The following DTX3L variants were observed in gnomAD, a reference collection of about 807,000 sequenced individuals.
The protein encoded by DTX3L is deltex E3 ubiquitin ligase 3L.
Under a neutral mutation model 60.9 loss-of-function variants are expected in DTX3L, and 34 were observed. That is an observed-to-expected ratio of 0.56 (90% CI 0.42 to 0.74). DTX3L has a LOEUF of 0.74. Among genes scored for constraint, DTX3L ranks in the 30% least tolerant of loss-of-function variants. DTX3L has a pLI of 0.00. For synonymous variants in DTX3L, 290 were observed against 316.6 expected (o/e 0.92, Z 0.89); for missense variants, 810 against 874.0 (o/e 0.93, Z 0.92).
At chr3:122,571,330 T>C (rs2080644342) in intron 4 of DTX3L, among the ~76,000 whole-genome samples, 1 of 152,186 alleles carries the variant, frequency 6.6e-6, no homozygotes, top group African/African-American at 2.4e-5. Context: ...ATTTTAAGAA[T>C]TAACATAGAC....
In DTX3L at chr3:122,568,663, T is replaced by G; in HGVS notation, c.574T>G (p.Phe192Val). 6.2e-7 allele frequency: 1 copy of G among 1,614,174 alleles called. No individual in the cohort carries two copies. The highest frequency in any genetic ancestry group is 8.5e-7 in the Non-Finnish European group (1 of 1,180,034). The change falls in exon 3 of 5, where the codon TTC (phenylalanine) becomes GTC (valine). Residue 192 changes from phenylalanine to valine, a missense_variant. Phe to Val is a conservative substitution (Grantham distance 50). Coordinates refer to ENST00000296161, the MANE Select transcript of DTX3L (RefSeq NM_138287.3). ...ERIHQFLSEQ[F>V]LESEQKQQFS... ...AATACATCAATTTTTGAGTGAGCAG[T>G]TCCTGGAAAGTGAGCAGAAACAACA...
At chr3:122,565,540 G>T (rs1265903182) in intron 1 of DTX3L, among the ~76,000 whole-genome samples, 1 of 133,648 alleles carries the variant, frequency 7.5e-6, no homozygotes, top group East Asian at 2.6e-4. Context: ...AAAAAAGAAG[G>T]AAGGAAGGGA....
At position 122,569,605 on chromosome 3, in the gene DTX3L, G is replaced by T; in HGVS notation, c.1516G>T (p.Val506Phe). 6.2e-7 allele frequency: 1 copy of T among 1,614,216 alleles called. No individual in the cohort carries two copies. The highest frequency in any genetic ancestry group is 1.1e-5 in the South Asian group (1 of 91,084). Residue 506 changes from valine to phenylalanine, a missense_variant, in exon 3 of 5, where the codon GTT becomes TTT. Transcript: ENST00000296161. ...PNHLAKAKQY[V>F]LKGGGMSSLA... Reference sequence around the variant, plus strand: ...TCACCTTGCAAAGGCGAAGCAGTATGTTCTAAAAGGAGGAGGAATGTCTTC... The same window carrying T: ...TCACCTTGCAAAGGCGAAGCAGTATTTTCTAAAAGGAGGAGGAATGTCTTC...
chr3:122,567,436 A>G (rs1559901911), intron 2 of DTX3L, among the ~76,000 whole-genome samples: 1 of 152,194 alleles, frequency 6.6e-6, no homozygotes. Context: ...GGCTGGATTC[A>G]GGAAACATTT....
In DTX3L at chr3:122,567,585, A is replaced by C. The variant is rs182422979; in HGVS notation, c.400-904A>C. ...GGCGTGTCTTATATTTGAGCTTCTA[A>C]AGGCCAGGGTTTAGAAGGGTCCACA... On this transcript the variant is annotated intron_variant, in intron 2 of 4. Coordinates refer to ENST00000296161, the MANE Select transcript of DTX3L (RefSeq NM_138287.3). 1.1e-3 allele frequency among the ~76,000 whole-genome samples: 168 copies of C among 152,296 alleles called. 1 individual carries two copies. Among genetic ancestry groups the C allele is most frequent in the African/African-American group, 3.8e-3 (156 of 41,558 alleles).
Position 122,564,399 on chromosome 3 carries a change from C to T in DTX3L, c.-28C>T, listed in dbSNP as rs746821453. Reference sequence around the variant, plus strand: ...TTTACCGCCCAGCTGCCTCCCGGAGCCCCCGCGCCCTCCCGACGCGCAGAG... The same window carrying T: ...TTTACCGCCCAGCTGCCTCCCGGAGTCCCCGCGCCCTCCCGACGCGCAGAG... On this transcript the variant is annotated 5_prime_UTR_variant, in exon 1 of 5. Coordinates refer to ENST00000296161, the MANE Select transcript of DTX3L (RefSeq NM_138287.3). 3 of 1,587,718 alleles carry T rather than the reference C, an allele frequency of 1.9e-6. No individual in the cohort carries two copies. Among genetic ancestry groups the T allele is most frequent in the Non-Finnish European group, 2.6e-6 (3 of 1,168,936 alleles).
Position 122,564,627 on chromosome 3 carries a change from G to T in DTX3L, c.187+14G>T. 1 of 1,578,978 alleles carries T rather than the reference G, an allele frequency of 6.3e-7. No homozygotes were observed. Among genetic ancestry groups the T allele is most frequent in the Non-Finnish European group, 8.6e-7 (1 of 1,165,080 alleles). On this transcript the variant is annotated intron_variant, in intron 1 of 4. Transcript: ENST00000296161. Reference sequence around the variant, plus strand: ...GTGAAAGGGCAGGTGAGCTTCGGGCGGCCAGGCTGCGAAAGCCCTCTGGGG... The same window carrying T: ...GTGAAAGGGCAGGTGAGCTTCGGGCTGCCAGGCTGCGAAAGCCCTCTGGGG...
intron 2 of DTX3L, among the ~76,000 whole-genome samples, chr3:122,566,830 GCTTCCAGGGACGGCAC>G (rs2080596616): frequency 6.6e-6 from 1 of 152,140 alleles, no homozygotes. Context: ...GGCAGACTCG[GCTTCCAGGGACGGCAC>G]CTTCTAGAGA....
intron 2 of DTX3L, among the ~76,000 whole-genome samples, chr3:122,566,982 A>G (rs1047276511): frequency 3.3e-5 from 5 of 152,258 alleles, no homozygotes; most frequent in Non-Finnish European, 5.9e-5. Flanking sequence ...GTCTGGAAAA[A>G]CCTCAAGTGA....
rs199591423 is a variant in DTX3L, at chr3:122,564,648, T to G, written c.187+35T>G. On this transcript the variant is annotated intron_variant, in intron 1 of 4. Coordinates refer to ENST00000296161, the MANE Select transcript of DTX3L (RefSeq NM_138287.3). Reference sequence around the variant, plus strand: ...GGGCGGCCAGGCTGCGAAAGCCCTCTGGGGGCCCGGCCCCCGGGTTTCCAG... The same window carrying G: ...GGGCGGCCAGGCTGCGAAAGCCCTCGGGGGGCCCGGCCCCCGGGTTTCCAG... 54 of 1,563,754 alleles carry G rather than the reference T, an allele frequency of 3.5e-5. No homozygotes were observed. In the African/African-American group the frequency reaches 6.9e-4, roughly 20 times the overall value.
At position 122,564,611 on chromosome 3, in the gene DTX3L, C is replaced by T. The variant is rs1209616453; in HGVS notation, c.185C>T (p.Ala62Val). 1.9e-6 allele frequency: 3 copies of T among 1,589,642 alleles called. No individual in the cohort carries two copies. Among genetic ancestry groups the T allele is most frequent in the Admixed American group, 3.6e-5 (2 of 55,058 alleles). The change falls in exon 1 of 5, where the codon GCA becomes GTA. Residue 62 changes from alanine (A) to valine (V), a missense_variant and splice_region_variant. By Grantham distance (64) the Ala-to-Val change is moderately conservative. Transcript: ENST00000296161. ...TTCCGGGTGGAGTTCAGTGAAAGGG[C>T]AGGTGAGCTTCGGGCGGCCAGGCTG... is the stretch of plus-strand genomic sequence containing the variant. ...GTFRVEFSER[A>V]AKERVLKKGE...
In DTX3L at chr3:122,569,559, G is replaced by A. The variant is rs761980704; in HGVS notation, c.1470G>A (p.Met490Ile). The change falls in exon 3 of 5, where the codon ATG becomes ATA. Residue 490 changes from methionine to isoleucine, a missense_variant. Physicochemically the swap from Met to Ile is conservative, Grantham distance 10. Transcript: ENST00000296161. ...NVHFVLNQES[M>I]TLTGLPNHLA... Reference sequence around the variant, plus strand: ...ACTTTGTGCTAAATCAAGAGTCAATGACTTTGACTGGTTTGCCAAATCACC... The same window carrying A: ...ACTTTGTGCTAAATCAAGAGTCAATAACTTTGACTGGTTTGCCAAATCACC... The A allele has an allele frequency of 6.2e-7, 1 of 1,614,190 alleles. No individual in the cohort carries two copies. Among genetic ancestry groups the A allele is most frequent in the Non-Finnish European group, 8.5e-7 (1 of 1,180,042 alleles).
At chr3:122,566,126 C>A in intron 2 of DTX3L, 56 bp downstream of exon 2, 1 of 1,497,700 alleles carries the variant, frequency 6.7e-7, no homozygotes, top group Non-Finnish European at 9.2e-7. Flanking sequence ...AGTCACCAGC[C>A]TCATGTATTA....
rs1445241942 is a variant in DTX3L at position 122,574,864 on chromosome 3, C to T, written c.*3117C>T. ...AAATCCTATTGGAAGAACTTAAAAA[C>T]TCAGAATCTTTTTCTTTGTCCAGAG... is the stretch of plus-strand genomic sequence containing the variant. On this transcript the variant is annotated 3_prime_UTR_variant, in exon 5 of 5. Coordinates refer to ENST00000296161, the MANE Select transcript of DTX3L (RefSeq NM_138287.3). 1.3e-5 allele frequency: 2 copies of T among 152,188 alleles called. No individual in the cohort carries two copies. Among genetic ancestry groups the T allele is most frequent in the Non-Finnish European group, 2.9e-5 (2 of 68,028 alleles). The allele number at this position is 152,188 out of a possible 1,614,324, so 9.4% of individuals were successfully genotyped here. A position where few individuals can be genotyped will look rare whatever the true frequency, so the allele number is the denominator to read the frequency against.
Position 122,569,379 on chromosome 3 carries a change from T to A in DTX3L, c.1290T>A (p.Ser430=). 6.2e-7 allele frequency: 1 copy of A among 1,614,184 alleles called. No individual in the cohort carries two copies. Among genetic ancestry groups the A allele is most frequent in the Non-Finnish European group, 8.5e-7 (1 of 1,180,030 alleles). The part of the protein sequence containing the change: ...FESKDRQVDL[S]VHAYASFIDA... Reference sequence around the variant, plus strand: ...CCAAGGACAGGCAGGTAGATCTATCTGTGCATGCTTATGCAAGTTTCATCG... The same window carrying A: ...CCAAGGACAGGCAGGTAGATCTATCAGTGCATGCTTATGCAAGTTTCATCG... Residue 430 remains serine (S), a synonymous_variant, in exon 3 of 5, where the codon TCT becomes TCA. Transcript: ENST00000296161.
At position 122,570,015 on chromosome 3, in the gene DTX3L, C is replaced by A; in HGVS notation, c.1926C>A (p.Gly642=). 6.2e-7 allele frequency: 1 copy of A among 1,613,746 alleles called. No homozygotes were observed. Among genetic ancestry groups the A allele is most frequent in the Non-Finnish European group, 8.5e-7 (1 of 1,180,008 alleles). ...TIVITYSMKA[G]IQTEEHPNPG... The stretch of plus-strand genomic sequence containing the variant: ...TGATTACTTATTCTATGAAAGCAGG[C>A]ATACAAACAGTAAGTATTTCTCAAG... The change falls in exon 3 of 5, where the codon GGC becomes GGA. Residue 642 remains glycine, a synonymous_variant. Coordinates refer to ENST00000296161, the MANE Select transcript of DTX3L (RefSeq NM_138287.3).
chr3:122,569,091 A>G lies in DTX3L; in HGVS notation c.1002A>G (p.Ile334Met), dbSNP rs761036520. 9.3e-6 allele frequency: 15 copies of G among 1,614,118 alleles called. No individual in the cohort carries two copies. The highest frequency in any genetic ancestry group is 3.3e-5 in the Admixed American group (2 of 60,002). The part of the protein sequence containing the change: ...ELNHQFTKLL[I>M]KEKGGELTLL... ...ATCACCAGTTTACAAAGCTCCTTAT[A>G]AAGGAGAAAGGAGGCGAATTAACTC... The change falls in exon 3 of 5, where the codon ATA becomes ATG. Residue 334 changes from isoleucine (I) to methionine (M), a missense_variant. Coordinates refer to ENST00000296161, the MANE Select transcript of DTX3L (RefSeq NM_138287.3).
intron 3 of DTX3L, 199 bp downstream of exon 3, chr3:122,570,223 G>C (rs1428841066): frequency 2.5e-5 from 19 of 745,436 alleles, no homozygotes; most frequent in Middle Eastern, 2.4e-4. Flanking sequence ...TCTTAAGACA[G>C]AGAAAGGGTG....
Position 122,571,849 on chromosome 3 carries a change from A to G in DTX3L, c.*102A>G. The G allele has an allele frequency of 1.0e-6, 1 of 952,450 alleles. No individual in the cohort carries two copies. Among genetic ancestry groups the G allele is most frequent in the Non-Finnish European group, 1.5e-6 (1 of 648,516 alleles). 59.0% of individuals were successfully genotyped at this position (952,450 alleles called of 1,614,324 possible). The stretch of plus-strand genomic sequence containing the variant: ...ATCCTTATGTAGAAAGGACTTTGAA[A>G]TTTTTCTTCTCAAGAAATGGTTTGT... On this transcript the variant is annotated 3_prime_UTR_variant, in exon 5 of 5. Coordinates refer to ENST00000296161, the MANE Select transcript of DTX3L (RefSeq NM_138287.3).
Sources: gnomAD v4.1 joint callset for allele counts (sites outside exome capture counted in the v4.1 genomes callset) on GRCh38, gnomAD v4.1.1 for gene constraint, MANE v1.5 for transcripts, NCBI Gene and HGNC (gene_info 2026-07-23, HGNC 2026-07-21) for gene names.